PIP5K1B: variants seen among roughly 807,000 people sequenced by gnomAD.
PIP5K1B encodes the protein phosphatidylinositol 4-phosphate 5-kinase type-1 beta.
PIP5K1B carries 42 observed loss-of-function variants against 67.0 expected under a neutral mutation model. The ratio of observed to expected loss-of-function variants is 0.63; its 90% CI spans 0.49 to 0.81. The LOEUF is 0.81. Among genes scored for constraint, PIP5K1B ranks in the 30% least tolerant of loss-of-function variants. The pLI is 0.00. For missense variants in PIP5K1B, 459 were observed against 646.3 expected (o/e 0.71, Z 3.14); for synonymous variants, 214 against 231.4 (o/e 0.92, Z 0.68).
rs1333430259 is a variant in PIP5K1B at position 68,725,327 on chromosome 9, A to G, written c.-242-17174A>G. On this transcript the variant is annotated intron_variant, in intron 1 of 15. Transcript: ENST00000265382. ...CGCCCTGGTCAAGTGACTTGACCCT[A>G]TTTGTGCATTTTTTCTTTTTCTCAT... 2.0e-5 allele frequency among the ~76,000 whole-genome samples: 3 copies of G among 152,236 alleles called. No individual in the cohort carries two copies. In the East Asian group the frequency reaches 5.8e-4, roughly 29 times the overall value.
In PIP5K1B at chr9:68,991,188, C is replaced by G; in HGVS notation, c.1551C>G (p.Ile517Met). ...CATTTACCTTGGAAGAGGGGACCATCTACTTGACCGCTGAGCCCAACACTC... is the reference window on the plus strand; with the variant it reads ...CATTTACCTTGGAAGAGGGGACCATGTACTTGACCGCTGAGCCCAACACTC... Reference protein sequence around the residue: ...SSTFTLEEGTIYLTAEPNTLE... With the variant: ...SSTFTLEEGTMYLTAEPNTLE... Residue 517 changes from isoleucine to methionine, a missense_variant, in exon 15 of 16, where the codon ATC becomes ATG. Physicochemically the swap from Ile to Met is conservative, Grantham distance 10 (BLOSUM62 1). Coordinates refer to ENST00000265382, the MANE Select transcript of PIP5K1B (RefSeq NM_003558.4). 1 of 1,612,432 alleles carries G rather than the reference C, an allele frequency of 6.2e-7. No individual in the cohort carries two copies. Among genetic ancestry groups the G allele is most frequent in the Non-Finnish European group, 8.5e-7 (1 of 1,178,432 alleles).
chr9:68,826,078 G>A (rs927153063), intron 4 of PIP5K1B, among the ~76,000 whole-genome samples: 2 of 152,178 alleles, frequency 1.3e-5, no homozygotes, highest in African/African-American at 4.8e-5. Context: ...ACATTGGTCC[G>A]TGAGGTTAAT....
At position 68,894,322 on chromosome 9, in the gene PIP5K1B, C is replaced by G. The variant is rs190786182; in HGVS notation, c.472-17C>G. 6.6e-7 allele frequency: 1 copy of G among 1,521,154 alleles called. No homozygotes were observed. The highest frequency in any genetic ancestry group is 9.0e-7 in the Non-Finnish European group (1 of 1,111,706). 94.2% of individuals were successfully genotyped at this position (1,521,154 alleles called of 1,614,324 possible). On this transcript the variant is annotated splice_polypyrimidine_tract_variant and intron_variant, in intron 7 of 15. Transcript: ENST00000265382. ...AATAGAAGATTGTAAATATATTTTT[C>G]TTTTTTTGGTTTCTAGAATTTAAAC... is the stretch of plus-strand genomic sequence containing the variant.
chr9:68,747,972 C>T (rs1829405598), intron 2 of PIP5K1B, among the ~76,000 whole-genome samples: 1 of 152,112 alleles, frequency 6.6e-6, no homozygotes, highest in Non-Finnish European at 1.5e-5. Context: ...GTGAACACTA[C>T]CTCTATCTAG....
At chr9:68,712,106 C>T (rs1034834962) in intron 1 of PIP5K1B, among the ~76,000 whole-genome samples, 5 of 152,174 alleles carry the variant, frequency 3.3e-5, no homozygotes, top group Non-Finnish European at 5.9e-5. Context: ...TGGATGGATC[C>T]CTCATGAATG....
chr9:68,829,669 C>T (rs1834177330), intron 4 of PIP5K1B, among the ~76,000 whole-genome samples: 1 of 152,186 alleles, frequency 6.6e-6, no homozygotes, highest in South Asian at 2.1e-4. Flanking sequence ...GTGAGTCCAG[C>T]TCTTCCAGAT....
chr9:68,890,340 T>C (rs903986206), intron 7 of PIP5K1B, among the ~76,000 whole-genome samples: 3 of 152,216 alleles, frequency 2.0e-5, no homozygotes, highest in Non-Finnish European at 4.4e-5. Flanking sequence ...TTTTCATACC[T>C]CCAGTTTCAT....
At chr9:68,894,189 A>G (rs894588658) in intron 7 of PIP5K1B, 150 bp from the exon 8 acceptor site, 14 of 621,452 alleles carry the variant, frequency 2.3e-5, no homozygotes, top group African/African-American at 1.7e-4. Flanking sequence ...GAAATAGATT[A>G]GAAACAGCAA....
At chr9:68,972,697 G>A (rs1282808046) in intron 14 of PIP5K1B, among the ~76,000 whole-genome samples, 2 of 152,144 alleles carry the variant, frequency 1.3e-5, no homozygotes, top group African/African-American at 4.8e-5. Flanking sequence ...ATGTGCACAT[G>A]GGTTTTTTTC....
chr9:68,742,175 C>G (rs1039656980), intron 1 of PIP5K1B: 1 of 152,116 alleles, frequency 6.6e-6, no homozygotes, highest in Non-Finnish European at 1.5e-5. Context: ...GGAAGTTTTA[C>G]TACATCACTA....
rs938833517 is a variant in PIP5K1B, at chr9:68,864,027, C to A, written c.200+60C>A. 1.8e-5 allele frequency: 28 copies of A among 1,520,824 alleles called. No homozygotes were observed. In the African/African-American group the frequency reaches 3.3e-4, roughly 18 times the overall value. 94.2% of individuals were successfully genotyped at this position (1,520,824 alleles called of 1,614,324 possible). ...TAAGGAACCTTCTTTGTGACAACCC[C>A]ATATTGAAGGGCTTTTCTACTATGT... On this transcript the variant is annotated intron_variant, in intron 5 of 15. Coordinates refer to ENST00000265382, the MANE Select transcript of PIP5K1B (RefSeq NM_003558.4).
chr9:68,747,199 C>T (rs1829358427), intron 2 of PIP5K1B, among the ~76,000 whole-genome samples: 1 of 149,968 alleles, frequency 6.7e-6, no homozygotes, highest in Non-Finnish European at 1.5e-5. Flanking sequence ...ATTTCCTGGG[C>T]AACAACTTGG....
chr9:68,973,888 G>C lies in PIP5K1B; in HGVS notation c.1503-17252G>C, dbSNP rs534898030. 3.3e-5 allele frequency among the ~76,000 whole-genome samples: 5 copies of C among 152,134 alleles called. No individual in the cohort carries two copies. In the South Asian group the frequency reaches 1.0e-3, roughly 32 times the overall value. ...ATATGTTACTCAACAATTTTTTTCG[G>C]GGTAGGGGAGACAGGGTCTCACACT... On this transcript the variant is annotated intron_variant, in intron 14 of 15. Transcript: ENST00000265382.
chr9:68,826,238 G>A (rs113300414), intron 4 of PIP5K1B, among the ~76,000 whole-genome samples: 2,035 of 152,184 alleles, frequency 0.013, 21 homozygotes, highest in Non-Finnish European at 0.023. Flanking sequence ...AGTGCTTTCC[G>A]CAAGAGTTGT....
intron 14 of PIP5K1B, among the ~76,000 whole-genome samples, chr9:68,970,733 T>C (rs527552773): frequency 6.6e-6 from 1 of 152,364 alleles, no homozygotes; most frequent in Non-Finnish European, 1.5e-5. Context: ...ACATATGGAT[T>C]TGAGCACCCC....
In PIP5K1B at chr9:68,875,159, G is replaced by GT. The variant is rs575392443; in HGVS notation, c.201-1517dup. Among the ~76,000 whole-genome samples, 428 of 152,014 alleles carry GT rather than the reference G, an allele frequency of 2.8e-3. 3 individuals carry two copies. The highest frequency in any genetic ancestry group is 9.9e-3 in the African/African-American group (411 of 41,440). On this transcript the variant is annotated intron_variant, in intron 5 of 15. Coordinates refer to ENST00000265382, the MANE Select transcript of PIP5K1B (RefSeq NM_003558.4). ...TATGTGACTGCTCTTCTCTCAGGCA[G>GT]TCTTAGTCCCTGTGTCACTCTCCTA...
intron 15 of PIP5K1B, among the ~76,000 whole-genome samples, chr9:69,001,914 A>G (rs934679714): frequency 1.3e-5 from 2 of 152,222 alleles, no homozygotes; most frequent in African/African-American, 4.8e-5. Flanking sequence ...GTCCTTAGGA[A>G]ACAAATTAAT....
At chr9:68,850,344 A>C (rs763020910) in intron 4 of PIP5K1B, among the ~76,000 whole-genome samples, 1 of 152,192 alleles carries the variant, frequency 6.6e-6, no homozygotes, top group African/African-American at 2.4e-5. Flanking sequence ...ACTATATCAC[A>C]AGGTTTCCGA....
chr9:68,984,598 TTAAA>T (rs1830022977), intron 14 of PIP5K1B, among the ~76,000 whole-genome samples: 1 of 152,248 alleles, frequency 6.6e-6, no homozygotes, highest in African/African-American at 2.4e-5. Flanking sequence ...ATAATTTGGT[TTAAA>T]TATTAAATTG....
Sources: allele counts gnomAD v4.1 joint callset (sites outside exome capture counted in the v4.1 genomes callset), GRCh38; gene constraint gnomAD v4.1.1; transcripts MANE v1.5; gene names NCBI Gene and HGNC (gene_info 2026-07-23, HGNC 2026-07-21).